The following PTPRG variants were observed in gnomAD, a reference collection of about 807,000 sequenced individuals.
The protein encoded by PTPRG is receptor-type tyrosine-protein phosphatase gamma.
A neutral mutation model predicts 165.3 loss-of-function variants in PTPRG; 102 were observed. That is an observed-to-expected ratio of 0.62 (90% CI 0.53 to 0.73). PTPRG has a LOEUF of 0.73. PTPRG is among the 30% of genes least tolerant of loss of function. The pLI, the probability that PTPRG is intolerant of heterozygous loss-of-function variation, is 0.00. For synonymous variants in PTPRG, 675 were observed against 669.5 expected (o/e 1.01, Z -0.13); for missense variants, 1,866 against 1,861.4 (o/e 1.00, Z -0.05).
At chr3:61,835,108 A>C (rs2036420910) in intron 2 of PTPRG, among the ~76,000 whole-genome samples, 2 of 152,210 alleles carry the variant, frequency 1.3e-5, no homozygotes, top group Admixed American at 1.3e-4. Context: ...TGGAAGGATT[A>C]TTTATACTTG....
chr3:62,199,774 G>C (rs1175372705), intron 10 of PTPRG, among the ~76,000 whole-genome samples: 1 of 152,180 alleles, frequency 6.6e-6, no homozygotes, highest in Non-Finnish European at 1.5e-5. Flanking sequence ...GAACCACATA[G>C]AAGCAGTTTG....
chr3:62,000,330 G>A (rs1374226136), intron 3 of PTPRG, among the ~76,000 whole-genome samples: 1 of 151,436 alleles, frequency 6.6e-6, no homozygotes. Flanking sequence ...ACTCCAAATG[G>A]TATCTTATTG....
intron 8 of PTPRG, among the ~76,000 whole-genome samples, chr3:62,173,534 G>T (rs1018963402): frequency 6.6e-6 from 1 of 152,194 alleles, no homozygotes; most frequent in Non-Finnish European, 1.5e-5. Context: ...TAGGCTTGTT[G>T]TAAGATACAT....
intron 1 of PTPRG, among the ~76,000 whole-genome samples, chr3:61,643,983 G>A (rs1025441869): frequency 6.6e-6 from 1 of 152,114 alleles, no homozygotes; most frequent in Non-Finnish European, 1.5e-5. Context: ...CTGCTCTGTG[G>A]AACCAAATCC....
intron 8 of PTPRG, among the ~76,000 whole-genome samples, chr3:62,170,517 A>G (rs1705175918): frequency 6.6e-6 from 1 of 152,194 alleles, no homozygotes; most frequent in African/African-American, 2.4e-5. Context: ...TTATTATCCA[A>G]GAAAGCTAGG....
At chr3:62,124,262 T>C in intron 5 of PTPRG, 2 of 1,446,798 alleles carry the variant, frequency 1.4e-6, no homozygotes, top group East Asian at 2.3e-5. Flanking sequence ...TTCAGAAGCC[T>C]GCAAGGACAG....
chr3:62,106,900 T>C (rs1413056845), intron 5 of PTPRG, among the ~76,000 whole-genome samples: 1 of 152,192 alleles, frequency 6.6e-6, no homozygotes, highest in Non-Finnish European at 1.5e-5. Context: ...TCATATGGTT[T>C]CCATAGGAAG....
intron 1 of PTPRG, among the ~76,000 whole-genome samples, chr3:61,721,979 T>A (rs765976229): frequency 3.9e-5 from 6 of 152,138 alleles, no homozygotes; most frequent in Non-Finnish European, 8.8e-5. Context: ...ACATGAAGTG[T>A]TGCATCGAGA....
chr3:61,822,521 A>G (rs1317614914), intron 2 of PTPRG, among the ~76,000 whole-genome samples: 1 of 152,244 alleles, frequency 6.6e-6, no homozygotes, highest in Non-Finnish European at 1.5e-5. Context: ...AGAAAAGGAA[A>G]GAAAAAAAAT....
At chr3:61,749,870 A>G (rs972244681) in intron 2 of PTPRG, 3 of 152,274 alleles carry the variant, frequency 2.0e-5, no homozygotes, top group African/African-American at 7.2e-5. Flanking sequence ...ATGTTGTTGC[A>G]TATAGAACTG....
intron 4 of PTPRG, among the ~76,000 whole-genome samples, chr3:62,011,223 C>T (rs769145538): frequency 5.9e-5 from 9 of 152,110 alleles, no homozygotes; most frequent in African/African-American, 1.2e-4. Context: ...TTGAATTGTC[C>T]GCCGCTGGCA....
At chr3:61,813,173 G>T (rs959189863) in intron 2 of PTPRG, among the ~76,000 whole-genome samples, 1 of 151,914 alleles carries the variant, frequency 6.6e-6, no homozygotes, top group African/African-American at 2.4e-5. Context: ...TGAGGCTGTA[G>T]AAAGAGTAAG....
intron 5 of PTPRG, among the ~76,000 whole-genome samples, chr3:62,114,686 G>C (rs537307667): frequency 1.3e-5 from 2 of 152,216 alleles, no homozygotes; most frequent in Admixed American, 1.3e-4. Context: ...CTCTGTCTCT[G>C]AGGCTAGAGT....
chr3:62,041,692 C>T (rs556152612), intron 4 of PTPRG, among the ~76,000 whole-genome samples: 1 of 152,236 alleles, frequency 6.6e-6, no homozygotes, highest in South Asian at 2.1e-4. Flanking sequence ...CTCATTTCCA[C>T]CTGCAAAATC....
At chr3:62,143,063 C>G (rs952255225) in intron 6 of PTPRG, among the ~76,000 whole-genome samples, 1 of 152,180 alleles carries the variant, frequency 6.6e-6, no homozygotes, top group African/African-American at 2.4e-5. Flanking sequence ...GACTCCAGGT[C>G]CTCTCCCGCT....
chr3:62,198,638 T>C (rs1700026167), intron 10 of PTPRG, among the ~76,000 whole-genome samples: 1 of 152,198 alleles, frequency 6.6e-6, no homozygotes. Flanking sequence ...TGTCAAAATA[T>C]TTTAAACACA....
chr3:62,159,255 T>C (rs1473214257), intron 7 of PTPRG, among the ~76,000 whole-genome samples: 1 of 151,886 alleles, frequency 6.6e-6, no homozygotes, highest in African/African-American at 2.4e-5. Flanking sequence ...CACTTGAGTC[T>C]AGGAGGTCAA....
Position 62,252,375 on chromosome 3 carries a change from T to C in PTPRG, c.2468-2749T>C, listed in dbSNP as rs1404228198. On this transcript the variant is annotated intron_variant, in intron 15 of 29. Coordinates refer to ENST00000474889, the MANE Select transcript of PTPRG (RefSeq NM_002841.4). This position sits in a 1 kb window ranked among gnomAD's most constrained non-coding sequence, Gnocchi z 4.6. ...TATCTAGGGTCTGCAGCCAACTTCT[T>C]CTGCCATTCTAAACTTTTTTCAGCT... 6.6e-6 allele frequency among the ~76,000 whole-genome samples: 1 copy of C among 152,196 alleles called. No individual in the cohort carries two copies. Among genetic ancestry groups the C allele is most frequent in the Admixed American group, 6.5e-5 (1 of 15,276 alleles).
intron 2 of PTPRG, among the ~76,000 whole-genome samples, chr3:61,825,349 C>CA (rs1559633315): frequency 6.6e-6 from 1 of 152,104 alleles, no homozygotes; most frequent in African/African-American, 2.4e-5. Context: ...ATTAAATAGA[C>CA]AAACTACAGA....
Sources: allele counts gnomAD v4.1 joint callset (sites outside exome capture counted in the v4.1 genomes callset), GRCh38; gene constraint gnomAD v4.1.1; non-coding constraint Gnocchi (gnomAD v3.1); transcripts MANE v1.5; gene names NCBI Gene and HGNC (gene_info 2026-07-23, HGNC 2026-07-21).